The following TMEM178A variants were observed in gnomAD, a reference collection of about 807,000 sequenced individuals.
TMEM178A encodes transmembrane protein 178.
TMEM178A carries 12 observed loss-of-function variants against 29.1 expected under a neutral mutation model. The observed-to-expected ratio is 0.41, with a 90% CI of 0.26 to 0.67. TMEM178A has a LOEUF of 0.67. Among genes scored for constraint, TMEM178A ranks in the 30% least tolerant of loss-of-function variants. The probability of loss-of-function intolerance (pLI) is 0.29; values close to 1 mark genes in which losing one functional copy is unlikely to be tolerated. For missense variants in TMEM178A, 366 were observed against 419.1 expected, an observed-to-expected ratio of 0.87 and a Z score of 1.11; for synonymous variants, 210 against 187.2, an observed-to-expected ratio of 1.12 and a Z score of -0.99.
the TMEM178A span, among the ~76,000 whole-genome samples, chr2:39,731,776 G>A: frequency 3.9e-5 from 6 of 152,194 alleles, no homozygotes; most frequent in South Asian, 1.2e-3. Flanking sequence ...AGCAGTGGCA[G>A]TGGCCACATC....
At chr2:39,708,409 A>ATTTTTTTTT (rs956611778) in intron 3 of TMEM178A, among the ~76,000 whole-genome samples, 2 of 69,678 alleles carry the variant, frequency 2.9e-5, no homozygotes, top group Admixed American at 2.1e-4. Context: ...GAGTGACTTG[A>ATTTTTTTTT]TTTTTTTTTT....
the TMEM178A span, among the ~76,000 whole-genome samples, chr2:39,730,924 A>T: frequency 2.0e-5 from 3 of 152,196 alleles, no homozygotes; most frequent in African/African-American, 7.2e-5. Context: ...TAGCACACAG[A>T]GTATCCTGTA....
At chr2:39,676,965 G>C (rs1308169605) in intron 1 of TMEM178A, among the ~76,000 whole-genome samples, 1 of 152,174 alleles carries the variant, frequency 6.6e-6, no homozygotes, top group African/African-American at 2.4e-5. Context: ...AGATGGCATG[G>C]TTGGTTCTAA....
At chr2:39,697,131 G>T (rs764649284) in intron 1 of TMEM178A, among the ~76,000 whole-genome samples, 33 of 152,168 alleles carry the variant, frequency 2.2e-4, no homozygotes, top group Non-Finnish European at 4.7e-4. Flanking sequence ...ACATAACACT[G>T]CATGGAACTT....
At chr2:39,711,214 A>G (rs1449933369) in intron 3 of TMEM178A, among the ~76,000 whole-genome samples, 4 of 152,230 alleles carry the variant, frequency 2.6e-5, no homozygotes, top group African/African-American at 7.2e-5. Context: ...TTACTAGACT[A>G]TACTGCTTTC....
At chr2:39,672,879 G>A (rs1332180627) in intron 1 of TMEM178A, among the ~76,000 whole-genome samples, 1 of 152,130 alleles carries the variant, frequency 6.6e-6, no homozygotes, top group East Asian at 1.9e-4. Flanking sequence ...ATCAGTTTTT[G>A]TTGGAGGAGC....
chr2:39,734,840 T>C, the TMEM178A span, among the ~76,000 whole-genome samples: 229 of 152,300 alleles, frequency 1.5e-3, no homozygotes, highest in African/African-American at 5.4e-3. Flanking sequence ...TCCTGTCTCC[T>C]CTCCATTTAT....
chr2:39,733,736 C>A, the TMEM178A span, among the ~76,000 whole-genome samples: 6 of 152,098 alleles, frequency 3.9e-5, no homozygotes, highest in African/African-American at 1.4e-4. Flanking sequence ...ATTTATGTTT[C>A]TTTTTCATAA....
chr2:39,688,667 T>G (rs539249411), intron 1 of TMEM178A, among the ~76,000 whole-genome samples: 1 of 152,404 alleles, frequency 6.6e-6, no homozygotes, highest in African/African-American at 2.4e-5. Context: ...TCTTTTCAAC[T>G]TTGCTTTATC....
chr2:39,706,981 T>A, intron 2 of TMEM178A, 68 bp from the exon 3 acceptor site: 1 of 1,538,344 alleles, frequency 6.5e-7, no homozygotes, highest in Non-Finnish European at 8.8e-7. Flanking sequence ...TACAAAGCCC[T>A]AATTCTCTAA....
chr2:39,710,645 G>A (rs566972442), intron 3 of TMEM178A, among the ~76,000 whole-genome samples: 1 of 151,974 alleles, frequency 6.6e-6, no homozygotes, highest in Non-Finnish European at 1.5e-5. Context: ...TCAATCTATT[G>A]CTTGAGATAA....
intron 1 of TMEM178A, among the ~76,000 whole-genome samples, chr2:39,695,444 C>T (rs188664557): frequency 6.7e-6 from 1 of 149,816 alleles, no homozygotes; most frequent in Non-Finnish European, 1.5e-5. Flanking sequence ...TGACAAAGAC[C>T]AGTAATCAAG....
At chr2:39,698,199 G>T (rs549674259) in intron 1 of TMEM178A, among the ~76,000 whole-genome samples, 1 of 152,316 alleles carries the variant, frequency 6.6e-6, no homozygotes. Flanking sequence ...ACATTTCTGA[G>T]TAATAGTATT....
At chr2:39,675,876 C>A (rs540579344) in intron 1 of TMEM178A, among the ~76,000 whole-genome samples, 1 of 152,220 alleles carries the variant, frequency 6.6e-6, no homozygotes, top group East Asian at 1.9e-4. Flanking sequence ...AACTCCTGGG[C>A]TCAAGTGATT....
intron 1 of TMEM178A, among the ~76,000 whole-genome samples, chr2:39,684,911 G>A (rs1671009260): frequency 6.6e-6 from 1 of 152,104 alleles, no homozygotes; most frequent in African/African-American, 2.4e-5. Context: ...CCTGGACCCG[G>A]CTGAGTTTGA....
At chr2:39,707,224 G>T in intron 3 of TMEM178A, 38 bp downstream of exon 3, 2 of 1,573,734 alleles carry the variant, frequency 1.3e-6, no homozygotes, top group South Asian at 1.2e-5. Context: ...CCCAGCCAAG[G>T]TGAAGGCTGC....
At chr2:39,722,575 T>C (rs546577322), downstream of TMEM178A, among the ~76,000 whole-genome samples, 1 of 152,298 alleles carries the variant, frequency 6.6e-6, no homozygotes, top group African/African-American at 2.4e-5. Flanking sequence ...CAATTAGTGG[T>C]GGCTGGGAAG....
At chr2:39,708,729 A>C (rs1020066942) in intron 3 of TMEM178A, among the ~76,000 whole-genome samples, 3 of 152,060 alleles carry the variant, frequency 2.0e-5, no homozygotes, top group Non-Finnish European at 4.4e-5. Flanking sequence ...TTTTTAAAGA[A>C]GGGATTGGAA....
intron 1 of TMEM178A, among the ~76,000 whole-genome samples, chr2:39,701,983 C>A (rs1294770357): frequency 6.6e-6 from 1 of 151,916 alleles, no homozygotes; most frequent in East Asian, 1.9e-4. Context: ...TTCTTTACTT[C>A]TTTGAACATA....
Sources: gnomAD v4.1 joint callset for allele counts (sites outside exome capture counted in the v4.1 genomes callset) on GRCh38, gnomAD v4.1.1 for gene constraint, MANE v1.5 for transcripts, NCBI Gene and HGNC (gene_info 2026-07-23, HGNC 2026-07-21) for gene names.